Variants in ASRGL1 observed in about 807,000 individuals in gnomAD.
The protein encoded by ASRGL1 is asparaginase and isoaspartyl peptidase 1, also known as isoaspartyl peptidase/L-asparaginase.
A neutral mutation model predicts 22.4 loss-of-function variants in ASRGL1; 16 were observed. That is an observed-to-expected ratio of 0.71 (90% CI 0.48 to 1.08). ASRGL1 has a LOEUF of 1.08. Ranked by LOEUF, ASRGL1 falls within the 50% of genes least tolerant of loss-of-function variation. ASRGL1 has a pLI of 0.00. For missense variants in ASRGL1, 412 were observed against 410.1 expected, an observed-to-expected ratio of 1.00 and a Z score of -0.04; for synonymous variants, 165 against 159.3, an observed-to-expected ratio of 1.04 and a Z score of -0.27.
chr11:62,380,305 C>T (rs1190422356), intron 4 of ASRGL1, among the ~76,000 whole-genome samples: 1 of 152,016 alleles, frequency 6.6e-6, no homozygotes, highest in Non-Finnish European at 1.5e-5. Context: ...GCATTTTCAT[C>T]GGTAATTGAC....
chr11:62,379,392 T>C (rs991281849), intron 4 of ASRGL1, among the ~76,000 whole-genome samples: 1 of 152,180 alleles, frequency 6.6e-6, no homozygotes, highest in African/African-American at 2.4e-5. Context: ...GCCGGATCAG[T>C]GCTTCCAAAC....
intron 4 of ASRGL1, among the ~76,000 whole-genome samples, chr11:62,364,698 T>A (rs1362543668): frequency 3.3e-5 from 5 of 152,230 alleles, no homozygotes. Flanking sequence ...TTGCAGCAAC[T>A]TGATACTAAG....
downstream of ASRGL1, among the ~76,000 whole-genome samples, chr11:62,396,410 G>T (rs1282761760): frequency 2.0e-5 from 3 of 152,200 alleles, no homozygotes; most frequent in Non-Finnish European, 4.4e-5. Context: ...CTTCTGAGAA[G>T]TTAAAAATAT....
chr11:62,394,278 T>C (rs1483366518), downstream of ASRGL1, among the ~76,000 whole-genome samples: 3 of 143,016 alleles, frequency 2.1e-5, no homozygotes, highest in South Asian at 4.2e-4. Context: ...ATATTATATA[T>C]CATATATTGT....
chr11:62,351,339 TC>T (rs1946161113), intron 2 of ASRGL1, among the ~76,000 whole-genome samples: 1 of 152,182 alleles, frequency 6.6e-6, no homozygotes, highest in Non-Finnish European at 1.5e-5. Context: ...TATTCTTTCT[TC>T]CTTCCCAATG....
At chr11:62,395,226 G>T (rs571237329), downstream of ASRGL1, among the ~76,000 whole-genome samples, 90 of 152,296 alleles carry the variant, frequency 5.9e-4, no homozygotes, top group African/African-American at 2.1e-3. Context: ...AGCTCGCTCT[G>T]CCCTGGGCGC....
At chr11:62,372,922 A>G (rs1946811582) in intron 4 of ASRGL1, 1 of 1,564,708 alleles carries the variant, frequency 6.4e-7, no homozygotes, top group Non-Finnish European at 8.8e-7. Flanking sequence ...GCTTGTGGGA[A>G]GAGCAGCATC....
chr11:62,375,486 T>C (rs1415494626), intron 4 of ASRGL1, among the ~76,000 whole-genome samples: 5 of 111,400 alleles, frequency 4.5e-5, no homozygotes, highest in South Asian at 3.2e-4. Context: ...ATATATTTCT[T>C]GGAGTAAACA....
intron 4 of ASRGL1, among the ~76,000 whole-genome samples, chr11:62,376,355 A>G (rs901074580): frequency 6.6e-6 from 1 of 151,904 alleles, no homozygotes; most frequent in South Asian, 2.1e-4. Context: ...TTTTTTTTGC[A>G]TCTCCGATGG....
chr11:62,345,413 C>T (rs183596263), intron 2 of ASRGL1, among the ~76,000 whole-genome samples: 3 of 152,124 alleles, frequency 2.0e-5, no homozygotes, highest in African/African-American at 7.2e-5. Flanking sequence ...GGATTACAGG[C>T]GCCCACCACC....
intron 4 of ASRGL1, among the ~76,000 whole-genome samples, chr11:62,368,119 TGAGA>T (rs1270624226): frequency 2.6e-5 from 4 of 152,196 alleles, no homozygotes; most frequent in Non-Finnish European, 5.9e-5. Flanking sequence ...TCTGATGTTT[TGAGA>T]AAGAGACCAC....
intron 4 of ASRGL1, among the ~76,000 whole-genome samples, chr11:62,387,104 T>C (rs1947235219): frequency 1.3e-5 from 2 of 150,338 alleles, no homozygotes; most frequent in South Asian, 4.2e-4. Context: ...AGTTTCACCA[T>C]GTTGACCAGG....
At chr11:62,342,858 G>T (rs1663633351) in intron 2 of ASRGL1, among the ~76,000 whole-genome samples, 1 of 152,134 alleles carries the variant, frequency 6.6e-6, no homozygotes, top group Non-Finnish European at 1.5e-5. Context: ...TGTAGACGTG[G>T]ATATCAGTAG....
chr11:62,362,731 A>ATATTATATATT, intron 4 of ASRGL1, among the ~76,000 whole-genome samples: 1 of 55,550 alleles, frequency 1.8e-5, no homozygotes, highest in African/African-American at 4.9e-5. Context: ...TTATATATAA[A>ATATTATATATT]ATATAATATA....
At chr11:62,371,611 C>T in intron 4 of ASRGL1, 1 of 664,760 alleles carries the variant, frequency 1.5e-6, no homozygotes, top group African/African-American at 1.8e-5. Context: ...CAAAGGGGAG[C>T]TTTTGATTTT....
intron 4 of ASRGL1, among the ~76,000 whole-genome samples, chr11:62,362,668 TAA>T (rs1565162427): frequency 6.9e-5 from 4 of 58,040 alleles, no homozygotes; most frequent in African/African-American, 1.9e-4. Flanking sequence ...ATAAAATATA[TAA>T]TATATATTAT....
intron 2 of ASRGL1, 48 bp from the exon 3 acceptor site, chr11:62,356,277 G>A (rs745652390): frequency 1.1e-5 from 17 of 1,602,152 alleles, no homozygotes; most frequent in South Asian, 2.2e-5. Context: ...CCTCCCGGAC[G>A]GGGCGTAAAT....
chr11:62,363,420 G>T (rs973749664), intron 4 of ASRGL1, among the ~76,000 whole-genome samples: 1 of 152,078 alleles, frequency 6.6e-6, no homozygotes, highest in Admixed American at 6.6e-5. Context: ...TTTCAGTTCA[G>T]TATAAATCAG....
intron 2 of ASRGL1, among the ~76,000 whole-genome samples, chr11:62,338,715 C>T (rs1945788748): frequency 6.6e-6 from 1 of 151,542 alleles, no homozygotes; most frequent in African/African-American, 2.4e-5. Context: ...GCGGGTGGAT[C>T]ACCTGAGGTC....
Sources: allele counts gnomAD v4.1 joint callset (sites outside exome capture counted in the v4.1 genomes callset), GRCh38; gene constraint gnomAD v4.1.1; transcripts MANE v1.5; gene names NCBI Gene and HGNC (gene_info 2026-07-23, HGNC 2026-07-21).